NUDCD3: variants seen among roughly 807,000 people sequenced by gnomAD.
NUDCD3 encodes the protein NudC domain containing 3.
A neutral mutation model predicts 39.7 loss-of-function variants in NUDCD3; 13 were observed. The ratio of observed to expected loss-of-function variants is 0.33; its 90% confidence interval spans 0.21 to 0.52. The LOEUF (loss-of-function observed/expected upper bound fraction) is 0.52. Ranked by LOEUF, NUDCD3 falls within the 20% of genes least tolerant of loss-of-function variation. The probability of loss-of-function intolerance (pLI) is 0.96; values close to 1 mark genes in which losing one functional copy is unlikely to be tolerated. For missense variants in NUDCD3, 453 were observed against 458.1 expected (o/e 0.99, Z 0.10); for synonymous variants, 175 against 172.4 (o/e 1.02, Z -0.12).
At chr7:44,476,397 G>T (rs1319174474) in intron 2 of NUDCD3, among the ~76,000 whole-genome samples, 1 of 152,200 alleles carries the variant, frequency 6.6e-6, no homozygotes, top group African/African-American at 2.4e-5. Context: ...TTTGGGAGAC[G>T]ATTAGGTCAT....
chr7:44,423,147 T>C (rs1223129559), intron 3 of NUDCD3, among the ~76,000 whole-genome samples: 1 of 152,132 alleles, frequency 6.6e-6, no homozygotes, highest in Non-Finnish European at 1.5e-5. Context: ...TATCTCAAAA[T>C]AATAAGAGCT....
Position 44,385,632 on chromosome 7 carries a change from C to A in NUDCD3, c.*379G>T. ...GTCCAGCAACAACTCCACATCCCAA[C>A]CAGAAGACATGCAAGCAGAATAGCG... is the stretch of plus-strand genomic sequence containing the variant. On this transcript the variant is annotated 3_prime_UTR_variant, in exon 6 of 6. Transcript: ENST00000355451. 4.8e-6 allele frequency: 1 copy of A among 208,950 alleles called. No homozygotes were observed. Among genetic ancestry groups the A allele is most frequent in the South Asian group, 9.9e-5 (1 of 10,076 alleles). The allele number at this position is 208,950 out of a possible 1,614,324, so 12.9% of individuals were successfully genotyped here.
At chr7:44,447,774 G>C (rs1023190805) in intron 2 of NUDCD3, among the ~76,000 whole-genome samples, 5 of 152,180 alleles carry the variant, frequency 3.3e-5, no homozygotes, top group African/African-American at 1.2e-4. Context: ...ATGGATCTTA[G>C]GTGATATCAA....
chr7:44,472,411 T>C (rs1021302209), intron 2 of NUDCD3, among the ~76,000 whole-genome samples: 5 of 152,174 alleles, frequency 3.3e-5, no homozygotes, highest in Non-Finnish European at 5.9e-5. Flanking sequence ...AAAGCAAGAC[T>C]TGAGTAAATA....
At chr7:44,405,192 T>C (rs1020095119) in intron 3 of NUDCD3, among the ~76,000 whole-genome samples, 1 of 152,172 alleles carries the variant, frequency 6.6e-6, no homozygotes, top group Admixed American at 6.5e-5. Context: ...CACTCGCACA[T>C]GGTTTTGCAT....
chr7:44,444,398 A>C (rs771280403), intron 2 of NUDCD3, among the ~76,000 whole-genome samples: 2 of 152,240 alleles, frequency 1.3e-5, no homozygotes, highest in East Asian at 3.9e-4. Context: ...GGGACAGGGG[A>C]AGGTGGATGT....
intron 2 of NUDCD3, among the ~76,000 whole-genome samples, chr7:44,481,036 A>G (rs1800481048): frequency 6.6e-6 from 1 of 151,570 alleles, no homozygotes; most frequent in Admixed American, 6.6e-5. Context: ...ACTTCTTGTC[A>G]TTATTCCCCA....
At chr7:44,489,393 A>ATTC (rs1800685226) in intron 1 of NUDCD3, among the ~76,000 whole-genome samples, 1 of 152,222 alleles carries the variant, frequency 6.6e-6, no homozygotes, top group Non-Finnish European at 1.5e-5. Flanking sequence ...CTACCAAGAC[A>ATTC]TTCAAAGCTT....
intron 2 of NUDCD3, among the ~76,000 whole-genome samples, chr7:44,455,363 T>C (rs548276624): frequency 5.6e-4 from 85 of 152,262 alleles, no homozygotes; most frequent in African/African-American, 1.8e-3. Flanking sequence ...CCATGTCTTA[T>C]TGGGGATCAG....
At chr7:44,401,801 A>G (rs1785301435) in intron 4 of NUDCD3, among the ~76,000 whole-genome samples, 1 of 152,198 alleles carries the variant, frequency 6.6e-6, no homozygotes. Context: ...CCAGGGCACA[A>G]ATGAAGCCTG....
chr7:44,464,833 C>T (rs1800088552), intron 2 of NUDCD3, among the ~76,000 whole-genome samples: 1 of 152,146 alleles, frequency 6.6e-6, no homozygotes, highest in Non-Finnish European at 1.5e-5. Flanking sequence ...ATCCCCATTC[C>T]AGCTTTTAGA....
rs1439567139 is a variant in NUDCD3 at position 44,484,975 on chromosome 7, G to C, written c.502C>G (p.Leu168Val). The C allele has an allele frequency of 6.3e-7, 1 of 1,597,878 alleles. No individual in the cohort carries two copies. The highest frequency in any genetic ancestry group is 1.8e-5 in the Admixed American group (1 of 56,816). Residue 168 changes from leucine to valine, a missense_variant, in exon 2 of 6, where the codon CTT (leucine) becomes GTT (valine). Transcript: ENST00000355451. Reference protein sequence around the residue: ...AAEVPREPPILPRIQEQFQKN... With the variant: ...AAEVPREPPIVPRIQEQFQKN... ...CAAAGTAGAAATTCCCACCTGGGAA[G>C]AATTGGTGGTTCCCTAGGGACTTCA...
intron 3 of NUDCD3, among the ~76,000 whole-genome samples, chr7:44,407,174 G>A (rs943445536): frequency 5.9e-5 from 9 of 151,864 alleles, no homozygotes; most frequent in Non-Finnish European, 7.4e-5. Flanking sequence ...CTCAGCTGTC[G>A]GTGGTGGTGG....
At chr7:44,467,872 T>C (rs1027300148) in intron 2 of NUDCD3, 7 of 1,539,134 alleles carry the variant, frequency 4.5e-6, no homozygotes, top group Non-Finnish European at 1.8e-6. Flanking sequence ...CCTACGGAGG[T>C]GGCAGCCATC....
At chr7:44,471,332 T>G (rs1800253492) in intron 2 of NUDCD3, among the ~76,000 whole-genome samples, 1 of 152,256 alleles carries the variant, frequency 6.6e-6, no homozygotes, top group Non-Finnish European at 1.5e-5. Flanking sequence ...TTATTTGTAT[T>G]ATCTTTATTG....
Position 44,404,565 on chromosome 7 carries a change from T to C in NUDCD3, c.661A>G (p.Ser221Gly). ...AGCATGGCCACACGAATGGAGCTGCTGCTAAGGGCCACTGAGACCTGGGGA... is the reference window on the plus strand; with the variant it reads ...AGCATGGCCACACGAATGGAGCTGCCGCTAAGGGCCACTGAGACCTGGGGA... ...KGKQVSVALSSSSIRVAMLEE... is the reference protein window; with the variant it reads ...KGKQVSVALSGSSIRVAMLEE... The change falls in exon 4 of 6, where the codon AGC (serine) becomes GGC (glycine). Residue 221 changes from serine to glycine, a missense_variant. Ser to Gly is a moderately conservative substitution (Grantham distance 56). Coordinates refer to ENST00000355451, the MANE Select transcript of NUDCD3 (RefSeq NM_015332.4). 1 of 1,613,988 alleles carries C rather than the reference T, an allele frequency of 6.2e-7. No homozygotes were observed. Among genetic ancestry groups the C allele is most frequent in the South Asian group, 1.1e-5 (1 of 91,068 alleles).
chr7:44,490,307 G>C, intron 1 of NUDCD3, 102 bp downstream of exon 1: 1 of 1,173,158 alleles, frequency 8.5e-7, no homozygotes, highest in East Asian at 2.7e-5. Flanking sequence ...AGGACACCAG[G>C]AAAAGGAGGA....
rs148386806 is a variant in NUDCD3, at chr7:44,441,545, T to C, written c.510-13842A>G. Among the ~76,000 whole-genome samples, 7 of 152,236 alleles carry C rather than the reference T, an allele frequency of 4.6e-5. No homozygotes were observed. In the East Asian group the frequency reaches 1.2e-3, roughly 25 times the overall value. On this transcript the variant is annotated intron_variant, in intron 2 of 5. Coordinates refer to ENST00000355451, the MANE Select transcript of NUDCD3 (RefSeq NM_015332.4). ...ATACAGCCCAGTCAAAGACTCGCCA[T>C]GTCTACCCGCCCTGCCCAGCCTCTG...
intron 2 of NUDCD3, among the ~76,000 whole-genome samples, chr7:44,429,198 A>G (rs1799301696): frequency 6.6e-6 from 1 of 152,348 alleles, no homozygotes; most frequent in Middle Eastern, 3.4e-3. Flanking sequence ...GTGGCTGTTA[A>G]GAACTGAATT....
Sources: gnomAD v4.1 joint callset for allele counts (sites outside exome capture counted in the v4.1 genomes callset) on GRCh38, gnomAD v4.1.1 for gene constraint, MANE v1.5 for transcripts, NCBI Gene and HGNC (gene_info 2026-07-23, HGNC 2026-07-21) for gene names.